The following LEKR1 variants were observed in gnomAD, a reference collection of about 807,000 sequenced individuals.
The protein encoded by LEKR1 is leucine, glutamate and lysine rich 1.
Under a neutral mutation model 72.4 loss-of-function variants are expected in LEKR1, and 59 were observed. That is an observed-to-expected ratio of 0.82 (90% confidence interval 0.66 to 1.01). LEKR1 has a LOEUF of 1.01. LEKR1 is among the 50% of genes least tolerant of loss of function. The pLI is 0.00. For synonymous variants in LEKR1, 257 were observed against 263.2 expected, an observed-to-expected ratio of 0.98 and a Z score of 0.23; for missense variants, 728 against 759.2, an observed-to-expected ratio of 0.96 and a Z score of 0.48.
intron 3 of LEKR1, among the ~76,000 whole-genome samples, chr3:156,857,726 C>T (rs773023979): frequency 6.6e-6 from 1 of 152,078 alleles, no homozygotes. Context: ...CAAAATTGCC[C>T]ATGCTAATGG....
intron 3 of LEKR1, among the ~76,000 whole-genome samples, chr3:156,890,721 T>G (rs1445110732): frequency 1.3e-5 from 2 of 152,182 alleles, no homozygotes; most frequent in Non-Finnish European, 2.9e-5. Flanking sequence ...AACTGAGACC[T>G]CTCTGTGTTG....
Position 156,927,426 on chromosome 3 carries a change from C to A in LEKR1, c.384-3C>A. 2 of 1,031,024 alleles carry A rather than the reference C, an allele frequency of 1.9e-6. No individual in the cohort carries two copies. The highest frequency in any genetic ancestry group is 2.4e-6 in the Non-Finnish European group (2 of 829,298). The allele number at this position is 1,031,024 out of a possible 1,614,324, so 63.9% of individuals were successfully genotyped here. A position where few individuals can be genotyped will look rare whatever the true frequency, so the allele number is the denominator to read the frequency against. Reference sequence around the variant, plus strand: ...AATCCTATTTTTTTTTTTTACTTTGCAGTCAAAGATTGTCAGAGTACAAAT... The same window carrying A: ...AATCCTATTTTTTTTTTTTACTTTGAAGTCAAAGATTGTCAGAGTACAAAT... On this transcript the variant is annotated splice_polypyrimidine_tract_variant and splice_region_variant and intron_variant, in intron 4 of 12. Coordinates refer to ENST00000356539, the MANE Select transcript of LEKR1 (RefSeq NM_001004316.3).
At chr3:156,881,403 G>C (rs531454131) in intron 3 of LEKR1, among the ~76,000 whole-genome samples, 2,964 of 152,118 alleles carry the variant, frequency 0.019, 103 homozygotes, top group African/African-American at 0.067. Context: ...ATTCACAATT[G>C]CTTCAAAGAG....
chr3:156,971,327 AC>A, intron 6 of LEKR1, among the ~76,000 whole-genome samples: 1 of 152,326 alleles, frequency 6.6e-6, no homozygotes, highest in Non-Finnish European at 1.5e-5. Flanking sequence ...TACACCTTAT[AC>A]AAAAATTAAT....
intron 3 of LEKR1, among the ~76,000 whole-genome samples, chr3:156,909,007 C>T (rs900569271): frequency 2.6e-5 from 4 of 152,084 alleles, no homozygotes; most frequent in African/African-American, 7.2e-5. Context: ...GGGCAGTTTC[C>T]CCCATACTGT....
At chr3:156,964,276 C>G (rs747681343) in intron 6 of LEKR1, among the ~76,000 whole-genome samples, 8 of 152,002 alleles carry the variant, frequency 5.3e-5, no homozygotes, top group African/African-American at 9.7e-5. Context: ...TTCCCCCCTC[C>G]TATTTTCTTT....
chr3:156,989,386 A>G (rs955179228), intron 7 of LEKR1, among the ~76,000 whole-genome samples: 2 of 152,160 alleles, frequency 1.3e-5, no homozygotes, highest in African/African-American at 4.8e-5. Flanking sequence ...CTAGAATCAA[A>G]CTTGAATATT....
intron 4 of LEKR1, chr3:156,924,365 T>C (rs976689128): frequency 1.6e-5 from 7 of 446,026 alleles, no homozygotes; most frequent in Non-Finnish European, 2.8e-5. Context: ...ATTCTGGGTA[T>C]AAGGCCTTTA....
At chr3:156,856,659 A>G (rs1416815212) in intron 3 of LEKR1, among the ~76,000 whole-genome samples, 1 of 152,136 alleles carries the variant, frequency 6.6e-6, no homozygotes, top group Non-Finnish European at 1.5e-5. Flanking sequence ...ATCGTGTATT[A>G]GTTTAATCCT....
chr3:156,897,625 T>A (rs576073232), intron 3 of LEKR1, among the ~76,000 whole-genome samples: 1 of 152,230 alleles, frequency 6.6e-6, no homozygotes, highest in South Asian at 2.1e-4. Flanking sequence ...CCTGGGATTG[T>A]TAGAAAGGAA....
chr3:156,837,659 A>C (rs73873737), intron 2 of LEKR1, among the ~76,000 whole-genome samples: 6,854 of 152,294 alleles, frequency 0.045, 545 homozygotes, highest in African/African-American at 0.16. Flanking sequence ...AAACAATGTG[A>C]ATATTCATAG....
At chr3:157,037,751 CA>C (rs1263041929) in intron 12 of LEKR1, among the ~76,000 whole-genome samples, 1 of 151,994 alleles carries the variant, frequency 6.6e-6, no homozygotes, top group African/African-American at 2.4e-5. Context: ...AAAAATAAAT[CA>C]GGGTAAAAGG....
chr3:156,911,516 C>G (rs909719682), intron 3 of LEKR1, among the ~76,000 whole-genome samples: 1 of 151,986 alleles, frequency 6.6e-6, no homozygotes, highest in African/African-American at 2.4e-5. Flanking sequence ...AGTTAGGTCC[C>G]TTTATCAATT....
At chr3:156,860,587 C>A (rs1180762190) in intron 3 of LEKR1, among the ~76,000 whole-genome samples, 1 of 152,108 alleles carries the variant, frequency 6.6e-6, no homozygotes, top group Non-Finnish European at 1.5e-5. Flanking sequence ...TCTGAATTTA[C>A]AAATGGAGAG....
intron 3 of LEKR1, among the ~76,000 whole-genome samples, chr3:156,911,040 A>C (rs1723058994): frequency 6.6e-6 from 1 of 151,802 alleles, no homozygotes. Context: ...GACTGCTGTG[A>C]GATGGTATCT....
intron 10 of LEKR1, among the ~76,000 whole-genome samples, chr3:157,020,360 G>A (rs1464151603): frequency 6.9e-6 from 1 of 145,666 alleles, no homozygotes; most frequent in Non-Finnish European, 1.5e-5. Context: ...CATGTGCCAT[G>A]CTGGTGTGCT....
At chr3:156,922,783 A>G (rs1191306696) in intron 4 of LEKR1, among the ~76,000 whole-genome samples, 2 of 152,224 alleles carry the variant, frequency 1.3e-5, no homozygotes, top group African/African-American at 4.8e-5. Flanking sequence ...CCTGAATGAA[A>G]TATAGATATA....
intron 11 of LEKR1, 24 bp downstream of exon 11, chr3:157,024,948 T>C: frequency 1.3e-6 from 2 of 1,492,300 alleles, no homozygotes; most frequent in Non-Finnish European, 1.8e-6. Context: ...ATGTTCATCA[T>C]TATTTAATAG....
chr3:156,835,469 G>C (rs1712982884), intron 2 of LEKR1, among the ~76,000 whole-genome samples: 1 of 152,200 alleles, frequency 6.6e-6, no homozygotes, highest in South Asian at 2.1e-4. Context: ...GCCTAATCCT[G>C]GGTCCCCCAA....
Sources: gnomAD v4.1 joint callset for allele counts (sites outside exome capture counted in the v4.1 genomes callset) on GRCh38, gnomAD v4.1.1 for gene constraint, MANE v1.5 for transcripts, NCBI Gene and HGNC (gene_info 2026-07-23, HGNC 2026-07-21) for gene names.